The following XKR4 variants were observed in gnomAD, a reference collection of about 807,000 sequenced individuals.
XKR4 encodes the protein XK related 4.
A neutral mutation model predicts 53.9 loss-of-function variants in XKR4; 12 were observed. That is an observed-to-expected ratio of 0.22 (90% CI 0.14 to 0.36). The LOEUF is 0.36. XKR4 is among the 10% of genes least tolerant of loss of function. The pLI is 1.00. For missense variants in XKR4, 799 were observed against 859.5 expected (o/e 0.93, Z 0.88); for synonymous variants, 354 against 362.4 (o/e 0.98, Z 0.26).
At chr8:55,213,127 T>C (rs1817752033) in intron 1 of XKR4, among the ~76,000 whole-genome samples, 1 of 152,196 alleles carries the variant, frequency 6.6e-6, no homozygotes, top group Non-Finnish European at 1.5e-5. Context: ...CCTAACTTTC[T>C]GAGAATGCAG....
At chr8:55,158,336 T>C (rs1460020375) in intron 1 of XKR4, among the ~76,000 whole-genome samples, 1 of 152,246 alleles carries the variant, frequency 6.6e-6, no homozygotes, top group African/African-American at 2.4e-5. Flanking sequence ...CTTTGACTAC[T>C]TTTTAATGAG....
At chr8:55,141,671 C>CTGTGTG (rs370296200) in intron 1 of XKR4, among the ~76,000 whole-genome samples, 14 of 135,304 alleles carry the variant, frequency 1.0e-4, no homozygotes, top group African/African-American at 3.4e-4. Flanking sequence ...CTCTCTCTCT[C>CTGTGTG]TGTGTGTGTG....
At chr8:55,454,833 C>T in intron 2 of XKR4, 2 of 763,326 alleles carry the variant, frequency 2.6e-6, no homozygotes, top group South Asian at 1.4e-5. Context: ...CGTAAGGCCT[C>T]CCTCATCCTC....
chr8:55,173,534 C>T (rs1427013625), intron 1 of XKR4, among the ~76,000 whole-genome samples: 2 of 152,160 alleles, frequency 1.3e-5, no homozygotes, highest in Non-Finnish European at 1.5e-5. Context: ...ATTCTCCACC[C>T]TTCCTCCAAC....
intron 1 of XKR4, among the ~76,000 whole-genome samples, chr8:55,322,525 G>A (rs537131044): frequency 1.3e-5 from 2 of 152,290 alleles, no homozygotes; most frequent in East Asian, 3.9e-4. Context: ...TAAGGCAGAA[G>A]CATTTCTAAA....
intron 2 of XKR4, among the ~76,000 whole-genome samples, chr8:55,423,318 C>T (rs1272808173): frequency 1.3e-5 from 2 of 152,186 alleles, no homozygotes; most frequent in Non-Finnish European, 2.9e-5. Context: ...TGGTCTCAAA[C>T]TCCTGACCTC....
At chr8:55,206,715 T>C (rs1817656052) in intron 1 of XKR4, among the ~76,000 whole-genome samples, 1 of 152,202 alleles carries the variant, frequency 6.6e-6, no homozygotes, top group South Asian at 2.1e-4. Flanking sequence ...TTTGACATAC[T>C]TACGATTTTG....
chr8:55,362,945 A>G (rs995527823), intron 2 of XKR4, among the ~76,000 whole-genome samples: 2 of 152,220 alleles, frequency 1.3e-5, no homozygotes, highest in Admixed American at 1.3e-4. Context: ...TATAAACCAC[A>G]GCCCAGGCTA....
At chr8:55,148,025 T>C (rs898827110) in intron 1 of XKR4, among the ~76,000 whole-genome samples, 3 of 152,088 alleles carry the variant, frequency 2.0e-5, no homozygotes, top group South Asian at 4.1e-4. Flanking sequence ...TTCTCTAACC[T>C]GTAAAAAAAG....
At chr8:55,244,805 C>T (rs1009693951) in intron 1 of XKR4, among the ~76,000 whole-genome samples, 5 of 151,622 alleles carry the variant, frequency 3.3e-5, no homozygotes, top group Non-Finnish European at 5.9e-5. Flanking sequence ...TTTCATTTGT[C>T]TAATGATAGT....
intron 2 of XKR4, among the ~76,000 whole-genome samples, chr8:55,515,448 G>A (rs1290947982): frequency 6.6e-6 from 1 of 151,786 alleles, no homozygotes; most frequent in Non-Finnish European, 1.5e-5. Flanking sequence ...AATTAGCTAT[G>A]ATTCCAGCCA....
At chr8:55,455,628 A>G (rs890663647) in intron 2 of XKR4, among the ~76,000 whole-genome samples, 2 of 152,214 alleles carry the variant, frequency 1.3e-5, no homozygotes, top group African/African-American at 2.4e-5. Context: ...GTAGACCAAT[A>G]AGAAATTGAA....
intron 1 of XKR4, among the ~76,000 whole-genome samples, chr8:55,325,515 C>G (rs962949655): frequency 1.4e-4 from 22 of 152,120 alleles, no homozygotes; most frequent in Admixed American, 5.2e-4. Flanking sequence ...AATTTTAAAA[C>G]TAAAATGAGG....
At chr8:55,258,642 G>T (rs1818472789) in intron 1 of XKR4, among the ~76,000 whole-genome samples, 1 of 152,122 alleles carries the variant, frequency 6.6e-6, no homozygotes, top group Admixed American at 6.5e-5. Context: ...TCCATACTGA[G>T]CAATCATTAT....
At chr8:55,277,841 A>G (rs1381576435) in intron 1 of XKR4, among the ~76,000 whole-genome samples, 4 of 152,230 alleles carry the variant, frequency 2.6e-5, no homozygotes, top group Non-Finnish European at 5.9e-5. Flanking sequence ...TAAATGAAAT[A>G]TATTCTATTG....
intron 1 of XKR4, among the ~76,000 whole-genome samples, chr8:55,209,519 T>C (rs1426516373): frequency 6.6e-6 from 1 of 152,144 alleles, no homozygotes; most frequent in African/African-American, 2.4e-5. Context: ...GAGAGTATTG[T>C]GGGGAGGGCA....
chr8:55,500,041 T>C (rs1806412020), intron 2 of XKR4, among the ~76,000 whole-genome samples: 1 of 152,118 alleles, frequency 6.6e-6, no homozygotes, highest in Non-Finnish European at 1.5e-5. Context: ...TCTCTAGAGC[T>C]TGAGAGCAAA....
intron 1 of XKR4, among the ~76,000 whole-genome samples, chr8:55,232,376 A>G (rs1007794131): frequency 3.3e-5 from 5 of 152,246 alleles, no homozygotes; most frequent in African/African-American, 1.2e-4. Context: ...ATATATTCAC[A>G]GCTTAGAAAT....
intron 1 of XKR4, among the ~76,000 whole-genome samples, chr8:55,257,465 A>AG (rs1491587928): frequency 5.3e-5 from 8 of 151,952 alleles, no homozygotes; most frequent in East Asian, 3.9e-4. Flanking sequence ...AGAGAGAGAG[A>AG]AAGAGAGAGA....
Sources: allele counts gnomAD v4.1 joint callset (sites outside exome capture counted in the v4.1 genomes callset), GRCh38; gene constraint gnomAD v4.1.1; transcripts MANE v1.5; gene names NCBI Gene and HGNC (gene_info 2026-07-23, HGNC 2026-07-21).